Variants in SEMA3A observed in about 807,000 individuals in gnomAD.
The protein encoded by SEMA3A is semaphorin 3A, also known as semaphorin-3A.
A neutral mutation model predicts 97.9 loss-of-function variants in SEMA3A; 29 were observed. The ratio of observed to expected loss-of-function variants is 0.30; its 90% CI spans 0.22 to 0.40. SEMA3A has a LOEUF of 0.40. Among genes scored for constraint, SEMA3A ranks in the 10% least tolerant of loss-of-function variants. The pLI is 1.00. For synonymous variants in SEMA3A, 321 were observed against 323.7 expected (o/e 0.99, Z 0.09); for missense variants, 763 against 951.3 (o/e 0.80, Z 2.60).
chr7:84,334,684 A>G (rs541262089), intron 2 of SEMA3A, among the ~76,000 whole-genome samples: 1 of 130,280 alleles, frequency 7.7e-6, no homozygotes, highest in African/African-American at 3.0e-5. Context: ...CCCCAACCTC[A>G]ATCCTCCCTT....
intron 6 of SEMA3A, among the ~76,000 whole-genome samples, chr7:84,043,235 G>C (rs1204482147): frequency 1.3e-5 from 2 of 151,966 alleles, no homozygotes; most frequent in African/African-American, 4.8e-5. Flanking sequence ...TAATCTGAAA[G>C]TGTTATTCAT....
At chr7:84,313,358 A>ATATG (rs1801404394) in intron 2 of SEMA3A, among the ~76,000 whole-genome samples, 1 of 4,274 alleles carries the variant, frequency 2.3e-4, no homozygotes, top group Admixed American at 3.6e-3. Context: ...GTGTGTGTGT[A>ATATG]TATATATATA....
chr7:84,487,031 CCT>C (rs1806591654), intron 1 of SEMA3A, among the ~76,000 whole-genome samples: 1 of 151,988 alleles, frequency 6.6e-6, no homozygotes, highest in African/African-American at 2.4e-5. Context: ...TAATTAGATG[CCT>C]CTTTGATTTC....
intron 10 of SEMA3A, among the ~76,000 whole-genome samples, chr7:84,006,079 T>G (rs1163322222): frequency 1.3e-5 from 2 of 152,140 alleles, no homozygotes; most frequent in East Asian, 3.9e-4. Context: ...ATGAATTCAG[T>G]GTACTGGAGA....
At chr7:84,467,008 T>A (rs906340758) in intron 1 of SEMA3A, among the ~76,000 whole-genome samples, 1 of 152,234 alleles carries the variant, frequency 6.6e-6, no homozygotes, top group Non-Finnish European at 1.5e-5. Flanking sequence ...CTCATACATC[T>A]GCATGTGATG....
At chr7:84,467,734 T>C (rs528112662) in intron 1 of SEMA3A, among the ~76,000 whole-genome samples, 1 of 152,136 alleles carries the variant, frequency 6.6e-6, no homozygotes, top group East Asian at 1.9e-4. Context: ...CCTCCTGCCT[T>C]CACACAGACC....
At chr7:84,304,413 A>T (rs958764166) in intron 3 of SEMA3A, among the ~76,000 whole-genome samples, 8 of 152,082 alleles carry the variant, frequency 5.3e-5, no homozygotes, top group African/African-American at 1.9e-4. Flanking sequence ...GAAGAAAAAT[A>T]TTTTTCACTT....
intron 13 of SEMA3A, among the ~76,000 whole-genome samples, chr7:83,983,102 A>G (rs754656585): frequency 1.3e-5 from 2 of 152,102 alleles, no homozygotes; most frequent in African/African-American, 2.4e-5. Flanking sequence ...GAATTTTGCT[A>G]TAAACCAGGA....
At chr7:84,168,492 T>A (rs1194943660) in intron 1 of SEMA3A, among the ~76,000 whole-genome samples, 1 of 151,958 alleles carries the variant, frequency 6.6e-6, no homozygotes, top group African/African-American at 2.4e-5. Flanking sequence ...GTAATGTTGG[T>A]TGTTTCATTA....
chr7:84,311,168 A>T (rs962062661), intron 2 of SEMA3A, among the ~76,000 whole-genome samples: 1 of 151,994 alleles, frequency 6.6e-6, no homozygotes, highest in Middle Eastern at 3.2e-3. Context: ...TATATTGGGC[A>T]AGGTTTTAGG....
At chr7:84,202,992 T>C (rs1018604695) in intron 3 of SEMA3A, among the ~76,000 whole-genome samples, 1 of 152,182 alleles carries the variant, frequency 6.6e-6, no homozygotes, top group Non-Finnish European at 1.5e-5. Context: ...ATATCTTCTC[T>C]ATTCTTCTAG....
intron 2 of SEMA3A, among the ~76,000 whole-genome samples, chr7:84,371,318 T>G (rs1014197863): frequency 1.3e-5 from 2 of 151,834 alleles, no homozygotes; most frequent in Non-Finnish European, 2.9e-5. Context: ...AAGTAGACAG[T>G]TGAGGAATTT....
chr7:84,250,628 C>T (rs1324449143), intron 3 of SEMA3A, among the ~76,000 whole-genome samples: 1 of 152,098 alleles, frequency 6.6e-6, no homozygotes, highest in African/African-American at 2.4e-5. Flanking sequence ...CTAAGGATGA[C>T]ATTTGGGAGG....
intron 7 of SEMA3A, 38 bp from the exon 8 acceptor site, chr7:84,011,335 G>A: frequency 8.1e-7 from 1 of 1,239,812 alleles, no homozygotes; most frequent in Non-Finnish European, 1.2e-6. Context: ...CACTGTTAAT[G>A]AAAATGATAA....
intron 2 of SEMA3A, among the ~76,000 whole-genome samples, chr7:84,358,908 G>C (rs1802640893): frequency 6.6e-6 from 1 of 152,100 alleles, no homozygotes; most frequent in South Asian, 2.1e-4. Flanking sequence ...AATTGTGAAT[G>C]GGAGTTCACT....
At chr7:84,092,172 T>C (rs1583953312) in intron 4 of SEMA3A, among the ~76,000 whole-genome samples, 1 of 152,324 alleles carries the variant, frequency 6.6e-6, no homozygotes, top group East Asian at 1.9e-4. Context: ...ACCTGATTGT[T>C]AAGCAGGTTG....
At chr7:84,117,572 C>A (rs531082087) in intron 3 of SEMA3A, among the ~76,000 whole-genome samples, 12 of 152,120 alleles carry the variant, frequency 7.9e-5, no homozygotes, top group African/African-American at 2.9e-4. Flanking sequence ...ATTAGATTCT[C>A]GTAGGAGCGT....
chr7:83,968,471 A>G (rs1411672410), intron 15 of SEMA3A, among the ~76,000 whole-genome samples: 1 of 152,116 alleles, frequency 6.6e-6, no homozygotes, highest in African/African-American at 2.4e-5. Context: ...CTTTCTAGAA[A>G]TTATTGAGAT....
At chr7:84,383,588 C>T (rs1397906855) in intron 1 of SEMA3A, among the ~76,000 whole-genome samples, 1 of 152,142 alleles carries the variant, frequency 6.6e-6, no homozygotes. Flanking sequence ...CCTGAGAAGG[C>T]ATCTAATTAT....
Sources: gnomAD v4.1 joint callset for allele counts (sites outside exome capture counted in the v4.1 genomes callset) on GRCh38, gnomAD v4.1.1 for gene constraint, MANE v1.5 for transcripts, NCBI Gene and HGNC (gene_info 2026-07-23, HGNC 2026-07-21) for gene names.